The following TTN variants were observed in gnomAD, a reference collection of about 807,000 sequenced individuals.
The protein encoded by TTN is titin, also known as connectin.
Under a neutral mutation model 3,223.0 loss-of-function variants are expected in TTN, and 1,525 were observed. The observed-to-expected ratio is 0.47, with a 90% confidence interval of 0.45 to 0.49. TTN has a LOEUF of 0.49. Among genes scored for constraint, TTN ranks in the 20% least tolerant of loss-of-function variants. The pLI, the probability that TTN is intolerant of heterozygous loss-of-function variation, is 0.00. For missense variants in TTN, 40,786 were observed against 43,424.0 expected (o/e 0.94, Z 5.40); for synonymous variants, 14,094 against 15,161.0 (o/e 0.93, Z 5.17).
Position 178,565,216 on chromosome 2 carries a change from CT to C in TTN, c.80915del (p.Lys26972SerfsTer19). On this transcript the variant is annotated frameshift_variant, in exon 326 of 363. Transcript: ENST00000589042. LOFTEE classifies it high-confidence loss of function. ...GAACTGGGCCAACTGGAGGTCCAGG[CT>C]TTTCTAAAACGATAACACTGAGATT... ...TENLSVIVLE[K>X]PGPPVGPVRF... The C allele has an allele frequency of 6.2e-7, 1 of 1,613,538 alleles. No individual in the cohort carries two copies. The highest frequency in any genetic ancestry group is 8.5e-7 in the Non-Finnish European group (1 of 1,179,668).
Position 178,578,992 on chromosome 2 carries a change from T to C in TTN, c.68038A>G (p.Ile22680Val), listed in dbSNP as rs2047081952. The change falls in exon 320 of 363, where the codon ATC becomes GTC. Residue 22680 changes from isoleucine to valine, a missense_variant. Ile to Val is a conservative substitution (Grantham distance 29). Transcript: ENST00000589042. ...DDGGSEITNYILEKRDSVNNK... is the reference protein window; with the variant it reads ...DDGGSEITNYVLEKRDSVNNK... ...TTCACAGAATCCCTCTTCTCTAGGA[T>C]ATAGTTGGTGATTTCAGAACCTCCA... The C allele has an allele frequency of 6.2e-7, 1 of 1,613,206 alleles. No individual in the cohort carries two copies. The highest frequency in any genetic ancestry group is 1.1e-5 in the South Asian group (1 of 91,072).
In TTN at chr2:178,652,713, C is replaced by T; in HGVS notation, c.38983G>A (p.Val12995Ile). 6.2e-7 allele frequency: 1 copy of T among 1,613,272 alleles called. No homozygotes were observed. Among genetic ancestry groups the T allele is most frequent in the Middle Eastern group, 1.7e-4 (1 of 6,048 alleles). The change falls in exon 201 of 363, where the codon GTT becomes ATT. Residue 12995 changes from valine (V) to isoleucine (I), a missense_variant. Val to Ile is a conservative substitution (Grantham distance 29, BLOSUM62 3). Coordinates refer to ENST00000589042, the MANE Select transcript of TTN (RefSeq NM_001267550.2). ...VKVPEAPKEVVPEKKVPSAPP... is the reference protein window; with the variant it reads ...VKVPEAPKEVIPEKKVPSAPP... ...GCCGAGGGCACTTTCTTTTCAGGAA[C>T]AACCTCTTTGGGAGCCTCTGGTACT...
chr2:178,769,654 T>C (rs2091159440), intron 37 of TTN, 25 bp downstream of exon 37: 3 of 1,511,446 alleles, frequency 2.0e-6, no homozygotes, highest in Non-Finnish European at 2.7e-6. Context: ...TATGTGTATA[T>C]ATATATATAT....
intron 69 of TTN, 54 bp downstream of exon 69, chr2:178,727,036 C>A (rs2154305365): frequency 2.9e-6 from 4 of 1,386,864 alleles, no homozygotes; most frequent in Non-Finnish European, 1.9e-6. Context: ...GCTATAATAC[C>A]CAGGGGAGAA....
In TTN at chr2:178,724,506, T is replaced by A. The variant is rs375262781; in HGVS notation, c.20869A>T (p.Met6957Leu). The A allele has an allele frequency of 3.0e-5, 48 of 1,606,452 alleles. No homozygotes were observed. The highest frequency in any genetic ancestry group is 3.9e-5 in the Non-Finnish European group (46 of 1,174,328). The change falls in exon 72 of 363, where the codon ATG (methionine) becomes TTG (leucine). Residue 6957 changes from methionine (M) to leucine (L), a missense_variant. Met to Leu is a conservative substitution (Grantham distance 15). Coordinates refer to ENST00000589042, the MANE Select transcript of TTN (RefSeq NM_001267550.2). The part of the protein sequence containing the change: ...PAVIVEKAGP[M>L]TVTVGETCTL... ...CACGTTTCTCCTACAGTCACCGTCATCGGTCCTGCCTTCTCAACAATGACT... is the reference window on the plus strand; with the variant it reads ...CACGTTTCTCCTACAGTCACCGTCAACGGTCCTGCCTTCTCAACAATGACT...
chr2:178,583,006 C>G lies in TTN; in HGVS notation c.65797G>C (p.Asp21933His), dbSNP rs1453626597. Reference protein sequence around the residue: ...LFSVNRKDSGDYTITAENSSG... With the variant: ...LFSVNRKDSGHYTITAENSSG... ...GAATTTTCAGCAGTAATGGTATAGTCTCCTGAGTCCTTCCGGTTCACGCTG... is the reference window on the plus strand; with the variant it reads ...GAATTTTCAGCAGTAATGGTATAGTGTCCTGAGTCCTTCCGGTTCACGCTG... The change falls in exon 313 of 363, where the codon GAC becomes CAC. Residue 21933 changes from aspartate (D) to histidine (H), a missense_variant. Physicochemically the swap from Asp to His is moderately conservative, Grantham distance 81. Transcript: ENST00000589042. 6.3e-7 allele frequency: 1 copy of G among 1,599,766 alleles called. No homozygotes were observed.
In TTN at chr2:178,563,984, G is replaced by A. The variant is rs746519411; in HGVS notation, c.82148C>T (p.Thr27383Ile). 5.0e-6 allele frequency: 8 copies of A among 1,613,638 alleles called. No homozygotes were observed. Among genetic ancestry groups the A allele is most frequent in the Non-Finnish European group, 5.9e-6 (7 of 1,179,716 alleles). ...PEGPLKVTGVTAEKCYLAWNP... is the reference protein window; with the variant it reads ...PEGPLKVTGVIAEKCYLAWNP... ...CCATGCCAGGTAACATTTTTCCGCA[G>A]TAACTCCAGTAACTTTCAGAGGCCC... The change falls in exon 326 of 363, where the codon ACT becomes ATT. Residue 27383 changes from threonine to isoleucine, a missense_variant. Transcript: ENST00000589042. The surrounding 1 kb of genome is among the most constrained non-coding windows in gnomAD (Gnocchi z 4.5).
At chr2:178,673,606 G>T (rs375054365) in intron 152 of TTN, 27 bp downstream of exon 152, 7 of 1,498,248 alleles carry the variant, frequency 4.7e-6, no homozygotes, top group African/African-American at 4.3e-5. Flanking sequence ...GGAAGTTAAA[G>T]ATATTAATAA....
chr2:178,739,510 C>T lies in TTN; in HGVS notation c.13723G>A (p.Glu4575Lys). 7.4e-6 allele frequency: 12 copies of T among 1,613,796 alleles called. No individual in the cohort carries two copies. Among genetic ancestry groups the T allele is most frequent in the Non-Finnish European group, 8.5e-6 (10 of 1,179,798 alleles). ...CTTTCAGAGGAAGACTCCTCTTTTT[C>T]CTCTGATGGTTTCAGACTCTCATCT... is the stretch of plus-strand genomic sequence containing the variant. ...KQDESLKPSE[E>K]KEESSSESGT... The change falls in exon 48 of 363, where the codon GAA becomes AAA. Residue 4575 changes from glutamate to lysine, a missense_variant. Transcript: ENST00000589042.
In TTN at chr2:178,552,907, G is replaced by A. The variant is rs376543931; in HGVS notation, c.89993C>T (p.Ser29998Leu). The change falls in exon 335 of 363, where the codon TCG becomes TTG. Residue 29998 changes from serine to leucine, a missense_variant. Physicochemically the swap from Ser to Leu is moderately radical, Grantham distance 145. Coordinates refer to ENST00000589042, the MANE Select transcript of TTN (RefSeq NM_001267550.2). ...SSTSFKLIDL[S>L]EKTPFFFRVL... ...TCTGAAGAAGAATGGAGTCTTCTCCGACAAATCTATTAGCTTGAAGGATGT... is the reference window on the plus strand; with the variant it reads ...TCTGAAGAAGAATGGAGTCTTCTCCAACAAATCTATTAGCTTGAAGGATGT... 1.7e-5 allele frequency: 28 copies of A among 1,613,540 alleles called. No homozygotes were observed. Among genetic ancestry groups the A allele is most frequent in the Non-Finnish European group, 2.3e-5 (27 of 1,179,796 alleles).
rs1423142304 is a variant in TTN at position 178,559,899 on chromosome 2, C to T, written c.86233G>A (p.Ala28745Thr). ...AAAGGTTCTTCTTCTCTTTCCTTTG[C>T]TATCTGAGGGTCAGAGCTATCACTG... Reference protein sequence around the residue: ...DPSDSSDPQIAKEREEEPLFD... With the variant: ...DPSDSSDPQITKEREEEPLFD... Residue 28745 changes from alanine (A) to threonine (T), a missense_variant, in exon 326 of 363, where the codon GCA (alanine) becomes ACA (threonine). Transcript: ENST00000589042. 4 of 1,613,450 alleles carry T rather than the reference C, an allele frequency of 2.5e-6. No homozygotes were observed. In the South Asian group the frequency reaches 4.4e-5, roughly 18 times the overall value.
At chr2:178,699,183 G>A (rs1343153853) in intron 111 of TTN, among the ~76,000 whole-genome samples, 7 of 151,632 alleles carry the variant, frequency 4.6e-5, no homozygotes, top group Admixed American at 4.6e-4. Context: ...TTCAGAACAT[G>A]GAGTGTGAAT....
Position 178,651,267 on chromosome 2 carries a change from T to C in TTN, c.39601A>G (p.Lys13201Glu). Residue 13201 changes from lysine to glutamate, a missense_variant, in exon 208 of 363, where the codon AAG (lysine) becomes GAG (glutamate). Lys to Glu is a moderately conservative substitution (Grantham distance 56). Transcript: ENST00000589042. ...VPEKKVAVPK[K>E]PEVPPAKVPE... ...CCTTTTGCTGGTGGGACTTCTGGCT[T>C]TTTGGGAACAGCTACTTTCTTTTCT... is the stretch of plus-strand genomic sequence containing the variant. 1 of 1,613,256 alleles carries C rather than the reference T, an allele frequency of 6.2e-7. No homozygotes were observed. Among genetic ancestry groups the C allele is most frequent in the Non-Finnish European group, 8.5e-7 (1 of 1,179,450 alleles).
chr2:178,789,904 C>A (rs369215406), intron 12 of TTN, 74 bp downstream of exon 12: 1 of 1,584,648 alleles, frequency 6.3e-7, no homozygotes, highest in South Asian at 1.1e-5. Context: ...ATAATTCATA[C>A]CATATTGTAG....
rs368283734 is a variant in TTN at position 178,733,546 on chromosome 2, T to G, written c.15776-29A>C. On this transcript the variant is annotated intron_variant, in intron 53 of 362. Transcript: ENST00000589042. ...CAATGGTATGAAATAGTTAGCACCC[T>G]AAATGCTTGTTAGGGTTTCACTTTA... The G allele has an allele frequency of 4.3e-4, 692 of 1,600,068 alleles. 2 individuals carry two copies. The highest frequency in any genetic ancestry group is 5.5e-4 in the Non-Finnish European group (641 of 1,171,212).
chr2:178,712,239 TAATC>T lies in TTN; in HGVS notation c.27608-21_27608-18del, dbSNP rs760040610. 97 of 1,610,936 alleles carry T rather than the reference TAATC, an allele frequency of 6.0e-5. No individual in the cohort carries two copies. The highest frequency in any genetic ancestry group is 1.8e-4 in the Admixed American group (11 of 59,824). ...ACGGTGGTTCTGCAGCCAAGAGAGA[TAATC>T]AATCAGTCATGAAGGAGACATGCCA... On this transcript the variant is annotated intron_variant, in intron 95 of 362. Coordinates refer to ENST00000589042, the MANE Select transcript of TTN (RefSeq NM_001267550.2).
rs1577666279 is a variant in TTN at position 178,701,953 on chromosome 2, C to G, written c.30538+87G>C. 7.8e-6 allele frequency: 10 copies of G among 1,287,920 alleles called. No homozygotes were observed. In the East Asian group the frequency reaches 2.5e-4, roughly 32 times the overall value. 79.8% of individuals were successfully genotyped at this position (1,287,920 alleles called of 1,614,324 possible). On this transcript the variant is annotated intron_variant, in intron 109 of 362. Transcript: ENST00000589042. ...TATTTTACCCAAAAGAGAAAGATAT[C>G]TTATACATTTTAGTTTGGCTTCTGT...
At position 178,578,613 on chromosome 2, in the gene TTN, G is replaced by C; in HGVS notation, c.68327C>G (p.Thr22776Arg). Residue 22776 changes from threonine to arginine, a missense_variant and splice_region_variant, in exon 321 of 363, where the codon ACA (threonine) becomes AGA (arginine). Transcript: ENST00000589042. ...DPKKTGGSPITGYHLEFKERN... is the reference protein window; with the variant it reads ...DPKKTGGSPIRGYHLEFKERN... ...TAGGATAAGAACAAACAAAATACCT[G>C]TAATTGGAGAACCACCAGTTTTCTT... 1 of 1,607,812 alleles carries C rather than the reference G, an allele frequency of 6.2e-7. No homozygotes were observed. The highest frequency in any genetic ancestry group is 1.7e-5 in the Admixed American group (1 of 59,626).
In TTN at chr2:178,610,266, C is replaced by G; in HGVS notation, c.51260G>C (p.Arg17087Thr). 6.2e-7 allele frequency: 1 copy of G among 1,613,050 alleles called. No homozygotes were observed. The highest frequency in any genetic ancestry group is 8.5e-7 in the Non-Finnish European group (1 of 1,179,284). Residue 17087 changes from arginine to threonine, a missense_variant, in exon 271 of 363, where the codon AGA becomes ACA. Physicochemically the swap from Arg to Thr is moderately conservative, Grantham distance 71 (BLOSUM62 -1). Coordinates refer to ENST00000589042, the MANE Select transcript of TTN (RefSeq NM_001267550.2). ...TPILHYVLER[R>T]EAGRRTYIPV... ...TATATATGTTCTCCTCCCAGCTTCT[C>G]TGCGCTCCAGGACATAATGAAGAAT...
Sources: gnomAD v4.1 joint callset for allele counts (sites outside exome capture counted in the v4.1 genomes callset) on GRCh38, gnomAD v4.1.1 for gene constraint, Gnocchi (gnomAD v3.1) non-coding constraint, MANE v1.5 for transcripts, NCBI Gene and HGNC (gene_info 2026-07-23, HGNC 2026-07-21) for gene names.